KLK10: variants seen among roughly 807,000 people sequenced by gnomAD.
The protein encoded by KLK10 is kallikrein-10.
Under a neutral mutation model 25.7 loss-of-function variants are expected in KLK10, and 27 were observed. The ratio of observed to expected loss-of-function variants is 1.05; its 90% confidence interval spans 0.77 to 1.45. KLK10 has a LOEUF of 1.45. Among genes scored for constraint, KLK10 ranks in the 40% most tolerant of loss-of-function variants. KLK10 has a pLI of 0.00. For synonymous variants in KLK10, 173 were observed against 160.1 expected (o/e 1.08, Z -0.61); for missense variants, 386 against 370.0 (o/e 1.04, Z -0.35).
chr19:51,015,845 C>T, intron 4 of KLK10, 37 bp downstream of exon 4: 2 of 1,471,784 alleles, frequency 1.4e-6, no homozygotes, highest in South Asian at 1.3e-5. Context: ...TCAGCCCCCT[C>T]CTCCTGAGGT....
rs550031319 is a variant in KLK10, at chr19:51,012,915, T to A, written c.*1885A>T. The A allele has an allele frequency of 6.6e-6, 1 of 152,352 alleles. No individual in the cohort carries two copies. The highest frequency in any genetic ancestry group is 2.1e-4 in the South Asian group (1 of 4,828). 9.4% of individuals were successfully genotyped at this position (152,352 alleles called of 1,614,324 possible). On this transcript the variant is annotated 3_prime_UTR_variant, in exon 6 of 6. Coordinates refer to ENST00000358789, the MANE Select transcript of KLK10 (RefSeq NM_145888.3). ...GAATGACAGGAATGTAAGACTGGCC[T>A]GTCTCCCTGACCTAACTAGCAGCTC...
chr19:51,017,397 C>A (rs2091344515), intron 2 of KLK10, 107 bp from the exon 3 acceptor site: 2 of 1,017,424 alleles, frequency 2.0e-6, no homozygotes, highest in Non-Finnish European at 2.8e-6. Context: ...GGGACGCAGC[C>A]AGAACGCGAG....
At chr19:51,017,923 C>T (rs2091351146) in intron 2 of KLK10, among the ~76,000 whole-genome samples, 1 of 143,274 alleles carries the variant, frequency 7.0e-6, no homozygotes, top group Admixed American at 7.6e-5. Context: ...ATCGCTTGAG[C>T]CCAGGAGGTG....
At chr19:51,018,737 T>C in intron 2 of KLK10, 1 of 448,884 alleles carries the variant, frequency 2.2e-6, no homozygotes, top group Non-Finnish European at 4.1e-6. Context: ...AACACGGTAG[T>C]GTAAAATGGA....
intron 2 of KLK10, among the ~76,000 whole-genome samples, chr19:51,017,862 G>T (rs1600141836): frequency 6.6e-6 from 1 of 151,802 alleles, no homozygotes; most frequent in East Asian, 1.9e-4. Context: ...AAAAGTAGTC[G>T]CGGAGGCATG....
chr19:51,019,030 CCCCCG>C lies in KLK10; in HGVS notation c.88+8_88+12del. 1 of 1,578,438 alleles carries C rather than the reference CCCCCG, an allele frequency of 6.3e-7. No individual in the cohort carries two copies. The highest frequency in any genetic ancestry group is 8.6e-7 in the Non-Finnish European group (1 of 1,163,978). ...CACCGGCGCCTCTCCCCGCCCCCTG[CCCCCG>C]ACCTTACCCCAGAGTTGCGCCATCA... On this transcript the variant is annotated splice_region_variant and intron_variant, in intron 2 of 5. Coordinates refer to ENST00000358789, the MANE Select transcript of KLK10 (RefSeq NM_145888.3). This position sits in a 1 kb window ranked among gnomAD's most constrained non-coding sequence, Gnocchi z 4.2.
chr19:51,019,038 C>A lies in KLK10; in HGVS notation c.88+5G>T. 6.3e-7 allele frequency: 1 copy of A among 1,598,454 alleles called. No individual in the cohort carries two copies. Among genetic ancestry groups the A allele is most frequent in the Non-Finnish European group, 8.5e-7 (1 of 1,177,080 alleles). On this transcript the variant is annotated splice_donor_5th_base_variant and intron_variant, in intron 2 of 5. Transcript: ENST00000358789. The surrounding 1 kb of genome is among the most constrained non-coding windows in gnomAD (Gnocchi z 4.2). ...CCTCTCCCCGCCCCCTGCCCCCGAC[C>A]TTACCCCAGAGTTGCGCCATCAGCA...
At chr19:51,015,801 G>A in intron 4 of KLK10, 81 bp downstream of exon 4, 1 of 1,355,612 alleles carries the variant, frequency 7.4e-7, no homozygotes, top group Non-Finnish European at 9.8e-7. Flanking sequence ...CCAGTCCCCA[G>A]CCCATCCTTC....
Position 51,019,156 on chromosome 19 carries a change from A to G in KLK10, c.-9-17T>C, listed in dbSNP as rs760213349. The G allele has an allele frequency of 1.9e-6, 3 of 1,577,418 alleles. No homozygotes were observed. The highest frequency in any genetic ancestry group is 1.1e-5 in the South Asian group (1 of 88,724). On this transcript the variant is annotated splice_polypyrimidine_tract_variant and intron_variant, in intron 1 of 5. Coordinates refer to ENST00000358789, the MANE Select transcript of KLK10 (RefSeq NM_145888.3). This position sits in a 1 kb window ranked among gnomAD's most constrained non-coding sequence, Gnocchi z 4.2. The stretch of plus-strand genomic sequence containing the variant: ...GGCCAGGATCTGCTGGGGTGTGTGC[A>G]GGGGCGGGTTAAAACAGATGCTCCG...
intron 3 of KLK10, 119 bp from the exon 4 acceptor site, chr19:51,016,275 AG>A: frequency 8.7e-7 from 1 of 1,145,748 alleles, no homozygotes; most frequent in Non-Finnish European, 1.2e-6. Flanking sequence ...TTGTGGGAGA[AG>A]GGGACCTCAG....
In KLK10 at chr19:51,017,272, A is replaced by G. The variant is rs2091342658; in HGVS notation, c.107T>C (p.Leu36Pro). 6.2e-7 allele frequency: 1 copy of G among 1,606,764 alleles called. No individual in the cohort carries two copies. Among genetic ancestry groups the G allele is most frequent in the South Asian group, 1.1e-5 (1 of 90,710 alleles). ...GTCCAAGCGCGTGTCGTTTTGGGGG[A>G]GCAGCGCCGCCTCTGCGGCTGGAGA... is the stretch of plus-strand genomic sequence containing the variant. ...AQLWAAEAAL[L>P]PQNDTRLDPE... Residue 36 changes from leucine (L) to proline (P), a missense_variant, in exon 3 of 6, where the codon CTC (leucine) becomes CCC (proline). Physicochemically the swap from Leu to Pro is moderately conservative, Grantham distance 98. Transcript: ENST00000358789.
At chr19:51,015,021 G>A (rs1264454977) in intron 5 of KLK10, 69 bp from the exon 6 acceptor site, 23 of 1,450,338 alleles carry the variant, frequency 1.6e-5, no homozygotes, top group Non-Finnish European at 2.0e-5. Context: ...GGGATCTGGG[G>A]CAGTGGTGGG....
chr19:51,018,769 G>GT, intron 2 of KLK10: 1 of 528,456 alleles, frequency 1.9e-6, no homozygotes, highest in Non-Finnish European at 3.4e-6. Context: ...ATGGGGCGGC[G>GT]TAAGAGGAGG....
chr19:51,014,891 A>G lies in KLK10; in HGVS notation c.740T>C (p.Val247Ala). Residue 247 changes from valine to alanine, a missense_variant, in exon 6 of 6, where the codon GTT (valine) becomes GCT (alanine). Coordinates refer to ENST00000358789, the MANE Select transcript of KLK10 (RefSeq NM_145888.3). ...ATGCTGGGCAGAGCCACAGGGGTAA[A>G]CACCCCACGAGAGGATGCCTTGGAG... ...ETLQGILSWGVYPCGSAQHPA... is the reference protein window; with the variant it reads ...ETLQGILSWGAYPCGSAQHPA... 6.2e-7 allele frequency: 1 copy of G among 1,613,928 alleles called. No individual in the cohort carries two copies. The highest frequency in any genetic ancestry group is 1.1e-5 in the South Asian group (1 of 91,068).
At chr19:51,018,275 CGAAA>C (rs1226810386) in intron 2 of KLK10, among the ~76,000 whole-genome samples, 12 of 89,030 alleles carry the variant, frequency 1.3e-4, no homozygotes, top group Non-Finnish European at 1.9e-4. Flanking sequence ...AAGAAACAAA[CGAAA>C]GGAAGGAAGG....
chr19:51,016,131 C>A lies in KLK10; in HGVS notation c.295G>T (p.Asp99Tyr). The A allele has an allele frequency of 1.9e-6, 3 of 1,587,570 alleles. No individual in the cohort carries two copies. Among genetic ancestry groups the A allele is most frequent in the South Asian group, 2.3e-5 (2 of 87,212 alleles). The part of the protein sequence containing the change: ...NKPLWARVGD[D>Y]HLLLLQGEQL... ...TCTCCCTGAAGAAGCAGCAGGTGGT[C>A]ATCCCCTACTCGAGCCCACAGTGGC... The change falls in exon 4 of 6, where the codon GAC (aspartate) becomes TAC (tyrosine). Residue 99 changes from aspartate (D) to tyrosine (Y), a missense_variant. Transcript: ENST00000358789.
chr19:51,015,874 GC>G lies in KLK10; in HGVS notation c.544+7del. 1 of 1,531,294 alleles carries G rather than the reference GC, an allele frequency of 6.5e-7. No homozygotes were observed. The highest frequency in any genetic ancestry group is 8.8e-7 in the Non-Finnish European group (1 of 1,141,802). The allele number at this position is 1,531,294 out of a possible 1,614,324, so 94.9% of individuals were successfully genotyped here. On this transcript the variant is annotated splice_region_variant and intron_variant, in intron 4 of 5. Coordinates refer to ENST00000358789, the MANE Select transcript of KLK10 (RefSeq NM_145888.3). ...CTGAGGTTCCGGCCTCAGAGCCCCA[GC>G]TCTTGCCTCTCCGGGCGGCCGTGGT...
intron 3 of KLK10, 44 bp from the exon 4 acceptor site, chr19:51,016,200 A>G (rs762176588): frequency 1.3e-6 from 2 of 1,495,714 alleles, no homozygotes; most frequent in Admixed American, 4.2e-5. Flanking sequence ...CTTCATAGGG[A>G]CTGGGAAAGC....
rs375399556 is a variant in KLK10 at position 51,018,702 on chromosome 19, TCAAA to T, written c.88+337_88+340del. On this transcript the variant is annotated intron_variant, in intron 2 of 5. Coordinates refer to ENST00000358789, the MANE Select transcript of KLK10 (RefSeq NM_145888.3). ...CTGGGCGACAGAGCGAGACTCCGTC[TCAAA>T]CAAACAAACAAACAAAACAAAACAC... The T allele has an allele frequency of 5.1e-3, 1,569 of 307,300 alleles. 18 individuals carry two copies. The highest frequency in any genetic ancestry group is 0.029 in the African/African-American group (1,303 of 44,522). 19.0% of individuals were successfully genotyped at this position (307,300 alleles called of 1,614,324 possible).
Sources: allele counts gnomAD v4.1 joint callset (sites outside exome capture counted in the v4.1 genomes callset), GRCh38; gene constraint gnomAD v4.1.1; non-coding constraint Gnocchi (gnomAD v3.1); transcripts MANE v1.5; gene names NCBI Gene and HGNC (gene_info 2026-07-23, HGNC 2026-07-21).